The following STK32A variants were observed in gnomAD, a reference collection of about 807,000 sequenced individuals.
STK32A encodes the protein serine/threonine kinase 32A, also known as serine/threonine-protein kinase 32A.
In STK32A, 41 loss-of-function variants were observed where a neutral mutation model predicts 53.2. The ratio of observed to expected loss-of-function variants is 0.77; its 90% CI spans 0.60 to 1.00. STK32A has a LOEUF of 1.00. Ranked by LOEUF, STK32A falls within the 50% of genes least tolerant of loss-of-function variation. The pLI, the probability that STK32A is intolerant of heterozygous loss-of-function variation, is 0.00. For missense variants in STK32A, 458 were observed against 485.8 expected, an observed-to-expected ratio of 0.94 and a Z score of 0.54; for synonymous variants, 166 against 162.8, an observed-to-expected ratio of 1.02 and a Z score of -0.15.
intron 7 of STK32A, among the ~76,000 whole-genome samples, chr5:147,351,926 TA>T (rs1184289611): frequency 2.6e-5 from 4 of 152,238 alleles, no homozygotes; most frequent in African/African-American, 9.6e-5. Flanking sequence ...AGTATTATTT[TA>T]ACCATTATTT....
intron 8 of STK32A, among the ~76,000 whole-genome samples, chr5:147,366,118 A>G (rs1449587304): frequency 6.6e-6 from 1 of 152,024 alleles, no homozygotes; most frequent in East Asian, 1.9e-4. Context: ...CAAACTTCAG[A>G]TGTCTTAGCT....
intron 2 of STK32A, among the ~76,000 whole-genome samples, chr5:147,242,923 G>C (rs916040234): frequency 6.6e-6 from 1 of 152,084 alleles, no homozygotes; most frequent in Non-Finnish European, 1.5e-5. Context: ...CCAAGAAAAA[G>C]CAACCAAAAA....
At chr5:147,351,673 C>G (rs886639484) in intron 7 of STK32A, among the ~76,000 whole-genome samples, 1 of 152,210 alleles carries the variant, frequency 6.6e-6, no homozygotes, top group East Asian at 1.9e-4. Flanking sequence ...ATGGTGAAAC[C>G]CTGTCTCTAC....
chr5:147,241,204 C>T (rs1004499197), intron 2 of STK32A, among the ~76,000 whole-genome samples: 1 of 152,158 alleles, frequency 6.6e-6, no homozygotes, highest in Non-Finnish European at 1.5e-5. Flanking sequence ...ATGGGCCAGG[C>T]GCGGTGGCTC....
At chr5:147,395,422 C>A in the STK32A span, 2 of 1,066,728 alleles carry the variant, frequency 1.9e-6, no homozygotes, top group Non-Finnish European at 2.7e-6. Context: ...GCCCCAGTAA[C>A]CTTCTCCCTA....
chr5:147,332,348 CT>C (rs34110422), intron 5 of STK32A, among the ~76,000 whole-genome samples: 12,013 of 140,394 alleles, frequency 0.086, 891 homozygotes, highest in African/African-American at 0.21. Flanking sequence ...TATCTGTAGG[CT>C]TTTTTTTTTT....
the STK32A span, chr5:147,393,628 T>C: frequency 5.4e-6 from 1 of 184,594 alleles, no homozygotes; most frequent in Non-Finnish European, 1.1e-5. Context: ...ACCCTCCACC[T>C]TGCTCCAGGC....
rs1176298578 is a variant in STK32A at position 147,384,267 on chromosome 5, T to C, written c.*284T>C. 2.2e-6 allele frequency: 3 copies of C among 1,337,394 alleles called. No homozygotes were observed. Among genetic ancestry groups the C allele is most frequent in the African/African-American group, 1.5e-5 (1 of 67,142 alleles). 82.8% of individuals were successfully genotyped at this position (1,337,394 alleles called of 1,614,324 possible). A position where few individuals can be genotyped will look rare whatever the true frequency, so the allele number is the denominator to read the frequency against. On this transcript the variant is annotated 3_prime_UTR_variant, in exon 13 of 13. Transcript: ENST00000397936. ...TGAGAGGGTTATACTAGACGAGCCA[T>C]ACCCTGCCTTTTTAGTGCTATAGTT... is the stretch of plus-strand genomic sequence containing the variant.
chr5:147,245,174 G>A (rs1036516831), intron 2 of STK32A, among the ~76,000 whole-genome samples: 11 of 152,042 alleles, frequency 7.2e-5, no homozygotes, highest in Admixed American at 2.0e-4. Flanking sequence ...TTTTGTTTAA[G>A]GCAAAATCAA....
rs190478769 is a variant in STK32A at position 147,246,658 on chromosome 5, A to G, written c.52+6972A>G. The stretch of plus-strand genomic sequence containing the variant: ...ATCTGTTGGAAACATCTTTCCATTT[A>G]TTTTTCCTGCTGGTTTAATGGCAAC... On this transcript the variant is annotated intron_variant, in intron 2 of 12. Transcript: ENST00000397936. Among the ~76,000 whole-genome samples the G allele has an allele frequency of 2.5e-3, 378 of 152,224 alleles. 1 individual carries two copies. Among genetic ancestry groups the G allele is most frequent in the Non-Finnish European group, 3.5e-3 (241 of 67,998 alleles).
At chr5:147,258,339 ATTTG>A (rs963937613) in intron 2 of STK32A, among the ~76,000 whole-genome samples, 4 of 152,146 alleles carry the variant, frequency 2.6e-5, no homozygotes, top group African/African-American at 4.8e-5. Context: ...AAAACAAAAT[ATTTG>A]TTTATTTTTA....
intron 4 of STK32A, among the ~76,000 whole-genome samples, chr5:147,323,596 CTG>C (rs946490110): frequency 5.9e-5 from 9 of 152,124 alleles, no homozygotes; most frequent in African/African-American, 2.2e-4. Flanking sequence ...TCTTCATTTT[CTG>C]TGTTTTATTG....
intron 5 of STK32A, among the ~76,000 whole-genome samples, chr5:147,330,706 G>C (rs1454794449): frequency 6.6e-6 from 1 of 152,124 alleles, no homozygotes; most frequent in Non-Finnish European, 1.5e-5. Flanking sequence ...CTCTGCCCTG[G>C]TAGGCTGCTC....
chr5:147,257,588 C>G (rs1339298115), intron 2 of STK32A, among the ~76,000 whole-genome samples: 1 of 152,030 alleles, frequency 6.6e-6, no homozygotes, highest in African/African-American at 2.4e-5. Flanking sequence ...GGGGCTGTGG[C>G]CCACAACTCT....
chr5:147,383,653 C>A (rs1757541157), intron 12 of STK32A, 148 bp downstream of exon 12: 4 of 857,608 alleles, frequency 4.7e-6, no homozygotes, highest in African/African-American at 3.5e-5. Flanking sequence ...ATGTAGAAAC[C>A]TTTTTTGTAA....
chr5:147,349,830 G>A (rs1755871362), intron 6 of STK32A, among the ~76,000 whole-genome samples: 1 of 152,122 alleles, frequency 6.6e-6, no homozygotes, highest in African/African-American at 2.4e-5. Flanking sequence ...GAAGTTGACT[G>A]GCCGGGCGCA....
intron 2 of STK32A, among the ~76,000 whole-genome samples, chr5:147,240,459 G>A (rs931544889): frequency 3.9e-5 from 6 of 152,212 alleles, no homozygotes; most frequent in Admixed American, 1.3e-4. Flanking sequence ...TTGGAACAGG[G>A]AGGAAAAGAA....
chr5:147,313,181 A>G (rs753963206), intron 4 of STK32A, among the ~76,000 whole-genome samples: 45 of 152,106 alleles, frequency 3.0e-4, no homozygotes, highest in Non-Finnish European at 5.4e-4. Flanking sequence ...GCTGCGGGGA[A>G]CTATGAATAT....
chr5:147,370,801 G>A lies in STK32A; in HGVS notation c.777+31G>A, dbSNP rs762571701. The A allele has an allele frequency of 3.5e-6, 5 of 1,433,504 alleles. No homozygotes were observed. The African/African-American group carries it at 5.6e-5, about 16-fold the overall frequency. 88.8% of individuals were successfully genotyped at this position (1,433,504 alleles called of 1,614,324 possible). ...AAGGAAGACTGCATGTCCAAACGAA[G>A]TAACAAAAGGAAGCAGGCTCTCTGG... On this transcript the variant is annotated intron_variant, in intron 9 of 12. Transcript: ENST00000397936.
Sources: gnomAD v4.1 joint callset for allele counts (sites outside exome capture counted in the v4.1 genomes callset) on GRCh38, gnomAD v4.1.1 for gene constraint, MANE v1.5 for transcripts, NCBI Gene and HGNC (gene_info 2026-07-23, HGNC 2026-07-21) for gene names.